Variants in ADAMTS3 observed in about 807,000 individuals in gnomAD.
The protein encoded by ADAMTS3 is ADAM metallopeptidase with thrombospondin type 1 motif 3.
In ADAMTS3, 73 loss-of-function variants were observed where a neutral mutation model predicts 129.0. The ratio of observed to expected loss-of-function variants is 0.57; its 90% confidence interval spans 0.47 to 0.69. ADAMTS3 has a LOEUF of 0.69. Among genes scored for constraint, ADAMTS3 ranks in the 30% least tolerant of loss-of-function variants. The pLI, the probability that ADAMTS3 is intolerant of heterozygous loss-of-function variation, is 0.00. For synonymous variants in ADAMTS3, 477 were observed against 510.8 expected, an observed-to-expected ratio of 0.93 and a Z score of 0.89; for missense variants, 1,457 against 1,514.5, an observed-to-expected ratio of 0.96 and a Z score of 0.63.
In ADAMTS3 at chr4:72,305,821, C is replaced by T. The variant is rs183321280; in HGVS notation, c.2260+166G>A. On this transcript the variant is annotated intron_variant, in intron 16 of 21. Coordinates refer to ENST00000286657, the MANE Select transcript of ADAMTS3 (RefSeq NM_014243.3). ...TACGCATGCACATCATGCACATGTA[C>T]GCACATATACGTATGCACATGTACG... Among the ~76,000 whole-genome samples the T allele has an allele frequency of 9.2e-5, 14 of 151,986 alleles. No individual in the cohort carries two copies. The South Asian group carries it at 1.0e-3, about 11-fold the overall frequency.
At chr4:72,387,853 T>C (rs527425351) in intron 4 of ADAMTS3, among the ~76,000 whole-genome samples, 59 of 149,834 alleles carry the variant, frequency 3.9e-4, no homozygotes, top group Middle Eastern at 3.4e-3. Flanking sequence ...TCCCCCAGTA[T>C]GTAATTAACA....
intron 4 of ADAMTS3, among the ~76,000 whole-genome samples, chr4:72,410,380 G>A (rs1024569218): frequency 4.6e-5 from 7 of 152,026 alleles, no homozygotes; most frequent in African/African-American, 1.5e-4. Flanking sequence ...ACAAGCACTC[G>A]GGTTCATGCA....
intron 2 of ADAMTS3, among the ~76,000 whole-genome samples, chr4:72,560,760 T>C (rs780626862): frequency 6.6e-6 from 1 of 152,178 alleles, no homozygotes; most frequent in Non-Finnish European, 1.5e-5. Flanking sequence ...AGGTGATAGG[T>C]TGATAGGTGC....
rs115136538 is a variant in ADAMTS3, at chr4:72,456,848, T to C, written c.505-41877A>G. Among the ~76,000 whole-genome samples the C allele has an allele frequency of 5.7e-3, 860 of 151,636 alleles. 4 individuals are homozygous for C. Among genetic ancestry groups the C allele is most frequent in the Non-Finnish European group, 9.6e-3 (647 of 67,740 alleles). On this transcript the variant is annotated intron_variant, in intron 3 of 21. Transcript: ENST00000286657. ...GCTTTTAAACAGAGCACTCCCTATA[T>C]AGTGCCCCAAGCCAACACAGGGAGG...
At chr4:72,369,253 C>T (rs1430991578) in intron 4 of ADAMTS3, among the ~76,000 whole-genome samples, 1 of 152,050 alleles carries the variant, frequency 6.6e-6, no homozygotes, top group Non-Finnish European at 1.5e-5. Flanking sequence ...AACCCCTTAC[C>T]CAAGAACAAC....
At chr4:72,440,163 C>T (rs1718070790) in intron 3 of ADAMTS3, among the ~76,000 whole-genome samples, 1 of 151,674 alleles carries the variant, frequency 6.6e-6, no homozygotes, top group Non-Finnish European at 1.5e-5. Flanking sequence ...ACTAATTACA[C>T]AAAAAAGTGT....
At chr4:72,513,842 T>C (rs547096452) in intron 3 of ADAMTS3, among the ~76,000 whole-genome samples, 19 of 152,256 alleles carry the variant, frequency 1.2e-4, no homozygotes, top group Middle Eastern at 6.8e-3. Context: ...TCCTCTCCCA[T>C]CCTTCCTCTT....
At chr4:72,435,289 T>C (rs1221883143) in intron 3 of ADAMTS3, among the ~76,000 whole-genome samples, 1 of 151,800 alleles carries the variant, frequency 6.6e-6, no homozygotes, top group East Asian at 2.0e-4. Context: ...CTGCTCTGTT[T>C]GACCACAAAA....
intron 17 of ADAMTS3, among the ~76,000 whole-genome samples, chr4:72,301,566 CAATAAATAAA>C (rs1718950718): frequency 6.6e-6 from 1 of 151,536 alleles, no homozygotes; most frequent in South Asian, 2.1e-4. Flanking sequence ...ATAGGAAATC[CAATAAATAAA>C]AATTCTGTAT....
intron 14 of ADAMTS3, 32 bp downstream of exon 14, chr4:72,311,016 A>G (rs1447757408): frequency 6.4e-7 from 1 of 1,553,202 alleles, no homozygotes. Context: ...TAGATAACGT[A>G]GAAAGCCTTT....
intron 3 of ADAMTS3, among the ~76,000 whole-genome samples, chr4:72,524,835 T>C (rs989174608): frequency 6.6e-6 from 1 of 152,118 alleles, no homozygotes; most frequent in South Asian, 2.1e-4. Context: ...AACCAAATAT[T>C]TGAGTCAACT....
chr4:72,324,967 G>C (rs539928170), intron 5 of ADAMTS3, among the ~76,000 whole-genome samples: 6 of 152,038 alleles, frequency 3.9e-5, no homozygotes, highest in Non-Finnish European at 7.3e-5. Context: ...ATTTTTCTGA[G>C]TCTCAATAAA....
At chr4:72,405,338 T>C (rs949348491) in intron 4 of ADAMTS3, among the ~76,000 whole-genome samples, 3 of 152,122 alleles carry the variant, frequency 2.0e-5, no homozygotes, top group Non-Finnish European at 2.9e-5. Context: ...GGTATATATA[T>C]ACATGGAATA....
In ADAMTS3 at chr4:72,517,706, G is replaced by A. The variant is rs559808636; in HGVS notation, c.504+30772C>T. Among the ~76,000 whole-genome samples, 329 of 146,606 alleles carry A rather than the reference G, an allele frequency of 2.2e-3. 1 individual carries two copies. Among genetic ancestry groups the A allele is most frequent in the African/African-American group, 7.6e-3 (304 of 40,112 alleles). The stretch of plus-strand genomic sequence containing the variant: ...TATCCCCTTTATCATTTTTTATTGC[G>A]TCTATTTGATTCTTCTCTCTTTTTT... On this transcript the variant is annotated intron_variant, in intron 3 of 21. Transcript: ENST00000286657.
intron 3 of ADAMTS3, among the ~76,000 whole-genome samples, chr4:72,421,784 G>A (rs187792101): frequency 4.6e-5 from 7 of 152,152 alleles, no homozygotes; most frequent in Admixed American, 2.6e-4. Context: ...ACCTCTTCCC[G>A]TCACACTATA....
chr4:72,438,852 G>T (rs1272333283), intron 3 of ADAMTS3, among the ~76,000 whole-genome samples: 3 of 151,596 alleles, frequency 2.0e-5, no homozygotes, highest in Non-Finnish European at 1.5e-5. Context: ...TTTTGAGAAC[G>T]GCAGTGCTAA....
chr4:72,478,300 AC>A (rs1207269575), intron 3 of ADAMTS3, among the ~76,000 whole-genome samples: 2 of 151,846 alleles, frequency 1.3e-5, no homozygotes, highest in African/African-American at 4.8e-5. Context: ...TCAATAAAAT[AC>A]TGGCAAAACG....
intron 3 of ADAMTS3, among the ~76,000 whole-genome samples, chr4:72,462,631 C>T (rs539389888): frequency 4.4e-4 from 67 of 151,794 alleles, no homozygotes; most frequent in Non-Finnish European, 8.0e-4. Flanking sequence ...AGGCTAGTGA[C>T]GTCTTAATGA....
intron 4 of ADAMTS3, among the ~76,000 whole-genome samples, chr4:72,359,699 T>C (rs1720671633): frequency 1.3e-5 from 2 of 152,018 alleles, no homozygotes; most frequent in Admixed American, 1.3e-4. Context: ...GCTAAAGAAA[T>C]GCATCCTATC....
Sources: allele counts gnomAD v4.1 joint callset (sites outside exome capture counted in the v4.1 genomes callset), GRCh38; gene constraint gnomAD v4.1.1; transcripts MANE v1.5; gene names NCBI Gene and HGNC (gene_info 2026-07-23, HGNC 2026-07-21).